FBN2: variants seen among roughly 807,000 people sequenced by gnomAD.
FBN2 encodes the protein fibrillin-2.
A neutral mutation model predicts 355.6 loss-of-function variants in FBN2; 105 were observed. That is an observed-to-expected ratio of 0.30 (90% CI 0.25 to 0.35). The LOEUF is 0.35. FBN2 is among the 10% of genes least tolerant of loss of function. The probability of loss-of-function intolerance (pLI) is 1.00; values close to 1 mark genes in which losing one functional copy is unlikely to be tolerated. For missense variants in FBN2, 3,280 were observed against 3,758.7 expected (o/e 0.87, Z 3.33); for synonymous variants, 1,350 against 1,301.2 (o/e 1.04, Z -0.81).
chr5:128,343,157 G>A (rs1448992413), intron 25 of FBN2, among the ~76,000 whole-genome samples: 1 of 152,194 alleles, frequency 6.6e-6, no homozygotes, highest in Non-Finnish European at 1.5e-5. Flanking sequence ...GTAAGTCAGG[G>A]AAGAGGTTTA....
chr5:128,332,149 A>G (rs1750710640), intron 32 of FBN2, among the ~76,000 whole-genome samples: 1 of 152,232 alleles, frequency 6.6e-6, no homozygotes. Context: ...TTGGTAAGAG[A>G]TCTTAAAGCT....
chr5:128,380,394 A>G lies in FBN2; in HGVS notation c.1604-1504T>C, dbSNP rs1014909930. On this transcript the variant is annotated intron_variant, in intron 11 of 64. Transcript: ENST00000262464. ...CAACATAAAGCTCTGTTTGAAGAAC[A>G]TGAGAAACCACGCATCCACTCCCCT... Among the ~76,000 whole-genome samples, 8 of 152,110 alleles carry G rather than the reference A, an allele frequency of 5.3e-5. 1 individual carries two copies. Among genetic ancestry groups the G allele is most frequent in the Admixed American group, 2.6e-4 (4 of 15,258 alleles).
At chr5:128,476,822 A>G (rs1171271820) in intron 5 of FBN2, among the ~76,000 whole-genome samples, 2 of 152,204 alleles carry the variant, frequency 1.3e-5, no homozygotes, top group Non-Finnish European at 1.5e-5. Flanking sequence ...GCACACCATT[A>G]TTACAATGAG....
At chr5:128,500,427 A>ATTTTTTTTTT (rs1312943529) in intron 5 of FBN2, among the ~76,000 whole-genome samples, 1 of 107,518 alleles carries the variant, frequency 9.3e-6, no homozygotes, top group African/African-American at 4.1e-5. Context: ...GACTCTGACA[A>ATTTTTTTTTT]TTCTTTTTTT....
chr5:128,457,620 C>T (rs1396068263), intron 6 of FBN2, among the ~76,000 whole-genome samples: 1 of 152,186 alleles, frequency 6.6e-6, no homozygotes, highest in African/African-American at 2.4e-5. Context: ...AGAAACTCTA[C>T]AAGCCAGAAA....
intron 6 of FBN2, among the ~76,000 whole-genome samples, chr5:128,458,174 C>T (rs766998119): frequency 3.9e-4 from 60 of 152,174 alleles, no homozygotes; most frequent in Non-Finnish European, 6.6e-4. Flanking sequence ...CAATCCTAGT[C>T]TCTGACAAAA....
rs376184645 is a variant in FBN2, at chr5:128,289,277, T to C, written c.6512-25A>G. On this transcript the variant is annotated intron_variant, in intron 51 of 64. Coordinates refer to ENST00000262464, the MANE Select transcript of FBN2 (RefSeq NM_001999.4). ...TCTAAAATATAGAACTGCATGTGAA[T>C]TTCCTCATATAAAAAGATATGCCGG... is the stretch of plus-strand genomic sequence containing the variant. 10 of 1,613,134 alleles carry C rather than the reference T, an allele frequency of 6.2e-6. No homozygotes were observed. In the African/African-American group the frequency reaches 1.1e-4, roughly 17 times the overall value.
intron 8 of FBN2, among the ~76,000 whole-genome samples, chr5:128,401,098 A>C (rs1409228372): frequency 3.9e-5 from 6 of 152,222 alleles, no homozygotes; most frequent in Non-Finnish European, 5.9e-5. Flanking sequence ...AAGTCCAATT[A>C]AACCTCTTTT....
chr5:128,448,993 T>C (rs1352672177), intron 6 of FBN2, among the ~76,000 whole-genome samples: 9 of 151,976 alleles, frequency 5.9e-5, no homozygotes, highest in Admixed American at 2.6e-4. Flanking sequence ...TTTTTGGACT[T>C]TAAATGTAAA....
intron 7 of FBN2, among the ~76,000 whole-genome samples, chr5:128,437,933 T>C (rs1482026910): frequency 6.6e-6 from 1 of 152,212 alleles, no homozygotes; most frequent in African/African-American, 2.4e-5. Flanking sequence ...TTAATTTCAG[T>C]AGGCCATGTA....
chr5:128,429,114 C>A (rs528346264), intron 7 of FBN2, among the ~76,000 whole-genome samples: 1 of 152,182 alleles, frequency 6.6e-6, no homozygotes, highest in Non-Finnish European at 1.5e-5. Context: ...ACTCTGGAAA[C>A]GCAGAACAGC....
intron 55 of FBN2, among the ~76,000 whole-genome samples, chr5:128,285,477 A>G (rs1163863495): frequency 6.6e-6 from 1 of 152,214 alleles, no homozygotes; most frequent in Non-Finnish European, 1.5e-5. Flanking sequence ...TATCTTTTGT[A>G]GTGCTGTTTA....
chr5:128,387,008 T>C (rs906614287), intron 11 of FBN2, among the ~76,000 whole-genome samples: 2 of 152,242 alleles, frequency 1.3e-5, no homozygotes, highest in Middle Eastern at 3.4e-3. Context: ...ATAGTTTCAA[T>C]AGGAATGAAA....
chr5:128,403,649 A>C (rs146618749), intron 8 of FBN2, among the ~76,000 whole-genome samples: 161 of 152,322 alleles, frequency 1.1e-3, no homozygotes, highest in Non-Finnish European at 9.0e-4. Context: ...AGGCTTATTA[A>C]GTAGTGCTAT....
At chr5:128,489,900 TAC>T (rs1210264487) in intron 5 of FBN2, among the ~76,000 whole-genome samples, 1 of 152,174 alleles carries the variant, frequency 6.6e-6, no homozygotes, top group Non-Finnish European at 1.5e-5. Context: ...TGTAGGAGCA[TAC>T]ATCTACGGAT....
chr5:128,376,647 G>C, intron 14 of FBN2, 84 bp downstream of exon 14: 1 of 1,483,308 alleles, frequency 6.7e-7, no homozygotes, highest in Admixed American at 1.7e-5. Flanking sequence ...ACATGGGGAA[G>C]CTGAAGTAAT....
chr5:128,335,346 T>C, intron 29 of FBN2, 51 bp from the exon 30 acceptor site: 1 of 1,613,534 alleles, frequency 6.2e-7, no homozygotes, highest in African/African-American at 1.3e-5. Context: ...CGTTCATCAA[T>C]CTCAAATGTT....
At chr5:128,356,954 A>G (rs1751516977) in intron 20 of FBN2, among the ~76,000 whole-genome samples, 1 of 152,204 alleles carries the variant, frequency 6.6e-6, no homozygotes, top group South Asian at 2.1e-4. Context: ...TATGGAGTAG[A>G]GATTTGATTA....
intron 45 of FBN2, 25 bp downstream of exon 45, chr5:128,304,932 C>G: frequency 3.1e-6 from 5 of 1,613,878 alleles, no homozygotes; most frequent in Non-Finnish European, 4.2e-6. Flanking sequence ...CCACTTCACT[C>G]CCTGGAGCCA....
Sources: allele counts gnomAD v4.1 joint callset (sites outside exome capture counted in the v4.1 genomes callset), GRCh38; gene constraint gnomAD v4.1.1; transcripts MANE v1.5; gene names NCBI Gene and HGNC (gene_info 2026-07-23, HGNC 2026-07-21).